Variants in CCSER1 observed in about 807,000 individuals in gnomAD.
The protein encoded by CCSER1 is coiled-coil serine rich protein 1, also known as serine-rich coiled-coil domain-containing protein 1.
A neutral mutation model predicts 82.0 loss-of-function variants in CCSER1; 41 were observed. The observed-to-expected ratio is 0.50, with a 90% CI of 0.39 to 0.65. The LOEUF (loss-of-function observed/expected upper bound fraction) is 0.65. Among genes scored for constraint, CCSER1 ranks in the 30% least tolerant of loss-of-function variants. The probability of loss-of-function intolerance (pLI) is 0.00; values close to 1 mark genes in which losing one functional copy is unlikely to be tolerated. For missense variants in CCSER1, 1,119 were observed against 1,064.2 expected (o/e 1.05, Z -0.72); for synonymous variants, 414 against 383.9 (o/e 1.08, Z -0.92).
intron 8 of CCSER1, among the ~76,000 whole-genome samples, chr4:90,825,646 A>G (rs1166821481): frequency 6.6e-6 from 1 of 152,064 alleles, no homozygotes; most frequent in Non-Finnish European, 1.5e-5. Context: ...AATTTGTGGC[A>G]TCTCATATAA....
At chr4:91,585,057 A>G (rs1261896968) in intron 10 of CCSER1, among the ~76,000 whole-genome samples, 1 of 151,512 alleles carries the variant, frequency 6.6e-6, no homozygotes, top group East Asian at 1.9e-4. Flanking sequence ...TTTGATTTAA[A>G]ATTTCACTCT....
At chr4:90,319,525 C>A (rs1311183589) in intron 3 of CCSER1, among the ~76,000 whole-genome samples, 1 of 152,084 alleles carries the variant, frequency 6.6e-6, no homozygotes, top group Non-Finnish European at 1.5e-5. Context: ...GTGGCACGCG[C>A]CTGTAGTCCC....
intron 5 of CCSER1, among the ~76,000 whole-genome samples, chr4:90,486,201 C>G (rs186495150): frequency 1.3e-5 from 2 of 151,966 alleles, no homozygotes; most frequent in South Asian, 2.1e-4. Flanking sequence ...AAATTATAAT[C>G]AATTCTTTTC....
At chr4:90,992,859 T>A (rs1737161694) in intron 9 of CCSER1, among the ~76,000 whole-genome samples, 1 of 151,926 alleles carries the variant, frequency 6.6e-6, no homozygotes, top group Admixed American at 6.6e-5. Flanking sequence ...GGTGCTACAA[T>A]CTTATGTAAC....
chr4:90,552,836 A>G (rs577127421), intron 5 of CCSER1, among the ~76,000 whole-genome samples: 15 of 152,218 alleles, frequency 9.9e-5, no homozygotes, highest in Non-Finnish European at 2.1e-4. Flanking sequence ...GATAATATCA[A>G]GGTGTATTGT....
At chr4:91,190,230 A>G (rs1385731927) in intron 10 of CCSER1, among the ~76,000 whole-genome samples, 1 of 152,214 alleles carries the variant, frequency 6.6e-6, no homozygotes. Flanking sequence ...TCTCAGTTAG[A>G]TACAAAACCA....
chr4:91,498,131 C>A (rs1406910074), intron 10 of CCSER1, among the ~76,000 whole-genome samples: 2 of 151,928 alleles, frequency 1.3e-5, no homozygotes, highest in South Asian at 4.1e-4. Flanking sequence ...GACCCAAGGT[C>A]AGAGTGAGAA....
intron 7 of CCSER1, among the ~76,000 whole-genome samples, chr4:90,765,326 G>T (rs753984119): frequency 6.6e-6 from 1 of 152,050 alleles, no homozygotes; most frequent in Non-Finnish European, 1.5e-5. Context: ...ACTTATTAAC[G>T]ATGCATATAT....
Position 90,924,163 on chromosome 4 carries a change from A to G in CCSER1, c.2172+716A>G, listed in dbSNP as rs78864248. The stretch of plus-strand genomic sequence containing the variant: ...GAATTAATTTGATCTTGTAGCTAAC[A>G]TGTATGAGGACCCCCTCTTCTATTT... On this transcript the variant is annotated intron_variant, in intron 9 of 10. Coordinates refer to ENST00000509176, the MANE Select transcript of CCSER1 (RefSeq NM_001145065.2). 4.6e-5 allele frequency among the ~76,000 whole-genome samples: 7 copies of G among 152,304 alleles called. No individual in the cohort carries two copies. The East Asian group carries it at 5.8e-4, about 13-fold the overall frequency.
intron 1 of CCSER1, among the ~76,000 whole-genome samples, chr4:90,216,899 A>G (rs539221921): frequency 9.2e-5 from 14 of 152,308 alleles, no homozygotes; most frequent in Non-Finnish European, 2.1e-4. Flanking sequence ...ACAATGATTG[A>G]TTCTTCCGAC....
chr4:91,191,628 A>G (rs1467067628), intron 10 of CCSER1, among the ~76,000 whole-genome samples: 1 of 152,166 alleles, frequency 6.6e-6, no homozygotes, highest in Non-Finnish European at 1.5e-5. Context: ...CCAGAGACAC[A>G]GTCGGTTCCA....
intron 8 of CCSER1, among the ~76,000 whole-genome samples, chr4:90,834,257 C>G (rs1761503876): frequency 6.6e-6 from 1 of 152,096 alleles, no homozygotes; most frequent in Non-Finnish European, 1.5e-5. Context: ...AGGATAAAAT[C>G]CAAAGTGAAT....
chr4:90,880,466 T>A (rs76428707), intron 8 of CCSER1, among the ~76,000 whole-genome samples: 6,809 of 152,220 alleles, frequency 0.045, 282 homozygotes, highest in African/African-American at 0.11. Flanking sequence ...ACCTCCTCTC[T>A]TTGGGTCAAC....
chr4:91,569,163 T>C (rs1413424414), intron 10 of CCSER1, among the ~76,000 whole-genome samples: 1 of 152,178 alleles, frequency 6.6e-6, no homozygotes, highest in Admixed American at 6.6e-5. Context: ...AGTTGGCACA[T>C]GGGCTTATTG....
At position 90,667,511 on chromosome 4, in the gene CCSER1, G is replaced by C. The variant is rs191969804; in HGVS notation, c.1932+39279G>C. 5.0e-4 allele frequency among the ~76,000 whole-genome samples: 76 copies of C among 152,110 alleles called. No homozygotes were observed. In the East Asian group the frequency reaches 0.014, roughly 28 times the overall value. ...CTCCCCAGCCCCCCACTCCCTGACAGGCCCCGGTGGGTGATGTTCCCCTCC... is the reference window on the plus strand; with the variant it reads ...CTCCCCAGCCCCCCACTCCCTGACACGCCCCGGTGGGTGATGTTCCCCTCC... On this transcript the variant is annotated intron_variant, in intron 6 of 10. Transcript: ENST00000509176.
At chr4:91,598,544 ATCTTTT>A (rs1460934533) in intron 10 of CCSER1, 22 bp from the exon 11 acceptor site, 5 of 1,517,740 alleles carry the variant, frequency 3.3e-6, no homozygotes, top group Non-Finnish European at 4.4e-6. Context: ...TTTTTAAGAC[ATCTTTT>A]TCTTTCTGTG....
intron 8 of CCSER1, among the ~76,000 whole-genome samples, chr4:90,827,054 A>G (rs1034577438): frequency 1.3e-5 from 2 of 152,242 alleles, no homozygotes; most frequent in Non-Finnish European, 2.9e-5. Flanking sequence ...GTGGGAGCAC[A>G]GCTCACAAAT....
chr4:90,659,713 T>G (rs542371672), intron 6 of CCSER1, among the ~76,000 whole-genome samples: 80 of 152,264 alleles, frequency 5.3e-4, no homozygotes, highest in African/African-American at 1.8e-3. Flanking sequence ...TCACTCTATA[T>G]AGCATTTAAA....
At chr4:90,839,582 C>T (rs1762300385) in intron 8 of CCSER1, among the ~76,000 whole-genome samples, 1 of 152,168 alleles carries the variant, frequency 6.6e-6, no homozygotes, top group Admixed American at 6.5e-5. Context: ...CTAAGCCCTG[C>T]TTTAAGTGTG....
Sources: gnomAD v4.1 joint callset for allele counts (sites outside exome capture counted in the v4.1 genomes callset) on GRCh38, gnomAD v4.1.1 for gene constraint, MANE v1.5 for transcripts, NCBI Gene and HGNC (gene_info 2026-07-23, HGNC 2026-07-21) for gene names.